The following DRC8 variants were observed in gnomAD, a reference collection of about 807,000 sequenced individuals.
DRC8 encodes the protein dynein regulatory complex protein 8.
chr1:244,990,106 C>G, the DRC8 span, among the ~76,000 whole-genome samples: 4 of 152,226 alleles, frequency 2.6e-5, no homozygotes, highest in African/African-American at 9.6e-5. Flanking sequence ...AAGGCAGGTG[C>G]TCTTCCTTTT....
chr1:245,113,171 ATT>A, the DRC8 span, among the ~76,000 whole-genome samples: 1 of 152,056 alleles, frequency 6.6e-6, no homozygotes, highest in African/African-American at 2.4e-5. Flanking sequence ...TTCCAAGATT[ATT>A]TTTCCTATAA....
chr1:245,045,763 AGCAGCCATCG>A, the DRC8 span, among the ~76,000 whole-genome samples: 9 of 75,654 alleles, frequency 1.2e-4, no homozygotes, highest in South Asian at 3.3e-4. Context: ...GGTTGTGGAC[AGCAGCCATCG>A]GTCTGACTGG....
At chr1:245,094,540 A>AT in the DRC8 span, among the ~76,000 whole-genome samples, 2 of 152,166 alleles carry the variant, frequency 1.3e-5, no homozygotes, top group Non-Finnish European at 1.5e-5. Context: ...TGGTACATGC[A>AT]TTTCTGCTGT....
chr1:245,009,293 A>G, the DRC8 span, among the ~76,000 whole-genome samples: 2 of 151,834 alleles, frequency 1.3e-5, no homozygotes, highest in South Asian at 2.1e-4. Context: ...TCGGCCTCCC[A>G]AAGTGCTGGG....
At chr1:245,002,205 A>G in the DRC8 span, 3 of 1,609,882 alleles carry the variant, frequency 1.9e-6, no homozygotes, top group African/African-American at 1.3e-5. Flanking sequence ...AGACCATCAC[A>G]CAATGACGGT....
At chr1:245,063,870 G>T in the DRC8 span, among the ~76,000 whole-genome samples, 13 of 151,978 alleles carry the variant, frequency 8.6e-5, no homozygotes, top group African/African-American at 2.7e-4. Context: ...TTACAGGCAC[G>T]CACCACCACA....
chr1:245,101,279 G>C, the DRC8 span, among the ~76,000 whole-genome samples: 2 of 152,198 alleles, frequency 1.3e-5, no homozygotes, highest in East Asian at 3.8e-4. Context: ...GAACCAACTT[G>C]TTTGTCCTGT....
chr1:245,046,133 T>C, the DRC8 span, among the ~76,000 whole-genome samples: 1 of 152,188 alleles, frequency 6.6e-6, no homozygotes, highest in Non-Finnish European at 1.5e-5. Flanking sequence ...CTTAATATTA[T>C]ATATGATTTT....
chr1:244,999,864 T>G, the DRC8 span, among the ~76,000 whole-genome samples: 2 of 152,196 alleles, frequency 1.3e-5, no homozygotes, highest in African/African-American at 4.8e-5. Flanking sequence ...CAGGCTGGAG[T>G]GCAGTGGTGC....
the DRC8 span, among the ~76,000 whole-genome samples, chr1:245,076,923 C>T: frequency 2.6e-5 from 4 of 152,136 alleles, no homozygotes; most frequent in South Asian, 2.1e-4. Flanking sequence ...GATGGGGTTT[C>T]GCCGTGTTGG....
the DRC8 span, among the ~76,000 whole-genome samples, chr1:245,046,587 A>G: frequency 2.0e-5 from 3 of 152,330 alleles, no homozygotes; most frequent in Middle Eastern, 3.4e-3. Flanking sequence ...AGGATAGTGC[A>G]TAGGATCATT....
the DRC8 span, among the ~76,000 whole-genome samples, chr1:245,112,263 G>A: frequency 2.6e-5 from 4 of 152,152 alleles, no homozygotes; most frequent in African/African-American, 9.7e-5. Flanking sequence ...TACTAGAGAT[G>A]GGGTTTCTCC....
chr1:244,999,876 A>G, the DRC8 span, among the ~76,000 whole-genome samples: 1 of 152,054 alleles, frequency 6.6e-6, no homozygotes, highest in African/African-American at 2.4e-5. Context: ...CAGTGGTGCA[A>G]TCTTGGATCT....
chr1:245,020,710 T>C, the DRC8 span, among the ~76,000 whole-genome samples: 4 of 145,544 alleles, frequency 2.7e-5, no homozygotes, highest in Non-Finnish European at 6.0e-5. Context: ...ACCTCCGCCT[T>C]CCGGGTTCAA....
At chr1:245,120,844 A>G in the DRC8 span, among the ~76,000 whole-genome samples, 1 of 152,250 alleles carries the variant, frequency 6.6e-6, no homozygotes, top group Non-Finnish European at 1.5e-5. Context: ...TGGGCAGATT[A>G]CCAGTTAAAA....
At chr1:245,023,473 G>A in the DRC8 span, among the ~76,000 whole-genome samples, 6 of 152,184 alleles carry the variant, frequency 3.9e-5, no homozygotes, top group Non-Finnish European at 7.3e-5. Context: ...CAGCGGCTGC[G>A]CCATGCTGCA....
the DRC8 span, chr1:245,002,231 G>GGGTACAGT: frequency 1.2e-6 from 2 of 1,604,292 alleles, no homozygotes; most frequent in Non-Finnish European, 1.7e-6. Flanking sequence ...GGGGAACACA[G>GGGTACAGT]GGTACAGTGC....
At chr1:245,045,110 A>C in the DRC8 span, among the ~76,000 whole-genome samples, 1 of 152,134 alleles carries the variant, frequency 6.6e-6, no homozygotes, top group Non-Finnish European at 1.5e-5. Flanking sequence ...CACCTGCTCA[A>C]GTCATCCTCC....
At chr1:244,970,773 C>T in the DRC8 span, 2 of 379,936 alleles carry the variant, frequency 5.3e-6, no homozygotes, top group Non-Finnish European at 9.2e-6. Context: ...CTCCTCCCGC[C>T]CCGTCCTCCT....
Sources: gnomAD v4.1 joint callset for allele counts (sites outside exome capture counted in the v4.1 genomes callset) on GRCh38, gnomAD v4.1.1 for gene constraint, MANE v1.5 for transcripts, NCBI Gene and HGNC (gene_info 2026-07-23, HGNC 2026-07-21) for gene names.